RAPGEF4: variants seen among roughly 807,000 people sequenced by gnomAD.
RAPGEF4 encodes the protein RAP guanine-nucleotide-exchange factor (GEF) 4.
Under a neutral mutation model 147.9 loss-of-function variants are expected in RAPGEF4, and 66 were observed. The observed-to-expected ratio is 0.45, with a 90% CI of 0.37 to 0.55. The LOEUF is 0.55. Ranked by LOEUF, RAPGEF4 falls within the 20% of genes least tolerant of loss-of-function variation. The pLI is 0.00. For missense variants in RAPGEF4, 1,071 were observed against 1,257.3 expected, an observed-to-expected ratio of 0.85 and a Z score of 2.24; for synonymous variants, 419 against 442.7, an observed-to-expected ratio of 0.95 and a Z score of 0.67.
chr2:172,897,920 G>A (rs955478515), intron 4 of RAPGEF4, among the ~76,000 whole-genome samples: 1 of 151,916 alleles, frequency 6.6e-6, no homozygotes, highest in Non-Finnish European at 1.5e-5. Context: ...CAGATGAGAT[G>A]CCTGGCTGAC....
chr2:173,044,991 G>A (rs537441478), intron 29 of RAPGEF4, among the ~76,000 whole-genome samples: 1 of 152,316 alleles, frequency 6.6e-6, no homozygotes, highest in East Asian at 1.9e-4. Flanking sequence ...GGACCATGAA[G>A]CGTAGGGTGT....
intron 4 of RAPGEF4, among the ~76,000 whole-genome samples, chr2:172,815,328 G>A (rs1688395681): frequency 6.6e-6 from 1 of 152,232 alleles, no homozygotes; most frequent in South Asian, 2.1e-4. Flanking sequence ...CAACCTGCAG[G>A]TGAATGAGTG....
chr2:173,015,509 G>A (rs530406181), intron 18 of RAPGEF4, among the ~76,000 whole-genome samples: 119 of 152,336 alleles, frequency 7.8e-4, no homozygotes, highest in African/African-American at 2.8e-3. Flanking sequence ...GAGGTGCGAG[G>A]CAGTGAGGAA....
chr2:172,957,236 C>T (rs893827597), intron 6 of RAPGEF4, among the ~76,000 whole-genome samples: 4 of 152,228 alleles, frequency 2.6e-5, no homozygotes, highest in Non-Finnish European at 4.4e-5. Context: ...TTGTTTCTCA[C>T]AAATGTCACC....
intron 29 of RAPGEF4, among the ~76,000 whole-genome samples, chr2:173,044,917 C>G (rs199997091): frequency 5.3e-5 from 8 of 152,124 alleles, no homozygotes; most frequent in Admixed American, 4.6e-4. Flanking sequence ...GACACTCCCC[C>G]ACTCCGGCCT....
At chr2:172,931,658 CAGTG>C (rs948328533) in intron 6 of RAPGEF4, among the ~76,000 whole-genome samples, 16 of 152,134 alleles carry the variant, frequency 1.1e-4, no homozygotes, top group Non-Finnish European at 1.6e-4. Context: ...CCGGAATAGA[CAGTG>C]AGAGCAGGAA....
intron 1 of RAPGEF4, among the ~76,000 whole-genome samples, chr2:172,775,901 T>C (rs114895061): frequency 1.5e-3 from 224 of 152,314 alleles, no homozygotes; most frequent in African/African-American, 4.8e-3. Context: ...TAATACTCTT[T>C]AGCTATAGGA....
chr2:172,869,115 T>C (rs545936038), intron 4 of RAPGEF4, among the ~76,000 whole-genome samples: 29 of 152,314 alleles, frequency 1.9e-4, no homozygotes, highest in Non-Finnish European at 2.9e-4. Flanking sequence ...TTTCCCCCCA[T>C]TCTAAGTGAA....
chr2:173,051,859 G>A lies in RAPGEF4; in HGVS notation c.*92G>A. 6.8e-7 allele frequency: 1 copy of A among 1,471,564 alleles called. No homozygotes were observed. Among genetic ancestry groups the A allele is most frequent in the Non-Finnish European group, 9.3e-7 (1 of 1,073,562 alleles). 91.2% of individuals were successfully genotyped at this position (1,471,564 alleles called of 1,614,324 possible). On this transcript the variant is annotated 3_prime_UTR_variant, in exon 31 of 31. Coordinates refer to ENST00000397081, the MANE Select transcript of RAPGEF4 (RefSeq NM_007023.4). Reference sequence around the variant, plus strand: ...TACTACTGACTGTATTGCCACTAGAGAATTCTACAAAACAAGCAAAAACAC... The same window carrying A: ...TACTACTGACTGTATTGCCACTAGAAAATTCTACAAAACAAGCAAAAACAC...
chr2:172,824,107 A>G (rs1217065356), intron 4 of RAPGEF4, among the ~76,000 whole-genome samples: 1 of 152,254 alleles, frequency 6.6e-6, no homozygotes, highest in African/African-American at 2.4e-5. Flanking sequence ...AATATAGGGC[A>G]GTAGTTCATA....
At position 172,762,482 on chromosome 2, in the gene RAPGEF4, G is replaced by A. The variant is rs149605663; in HGVS notation, c.65+26434G>A. On this transcript the variant is annotated intron_variant, in intron 1 of 30. Transcript: ENST00000397081. The stretch of plus-strand genomic sequence containing the variant: ...TGATCAAGGGCATCACTTATACTCA[G>A]TCTTTATTCTCACTCTGCCTCTTCA... Among the ~76,000 whole-genome samples, 351 of 152,310 alleles carry A rather than the reference G, an allele frequency of 2.3e-3. 2 individuals carry two copies. Among genetic ancestry groups the A allele is most frequent in the African/African-American group, 8.1e-3 (338 of 41,564 alleles).
chr2:172,805,674 G>C (rs539602485), intron 3 of RAPGEF4, among the ~76,000 whole-genome samples: 49 of 152,244 alleles, frequency 3.2e-4, no homozygotes, highest in African/African-American at 1.2e-3. Context: ...CTCTATCAAG[G>C]ATTAATCCTT....
intron 1 of RAPGEF4, among the ~76,000 whole-genome samples, 179 bp from the exon 2 acceptor site, chr2:172,794,846 C>A (rs938756692): frequency 7.9e-5 from 12 of 152,178 alleles, no homozygotes; most frequent in African/African-American, 2.9e-4. Flanking sequence ...GTTGGTAAAG[C>A]TCCAGAAATG....
At chr2:173,019,988 T>A (rs1281518303) in intron 22 of RAPGEF4, among the ~76,000 whole-genome samples, 1 of 152,104 alleles carries the variant, frequency 6.6e-6, no homozygotes, top group Admixed American at 6.6e-5. Flanking sequence ...TGGAGTGGGA[T>A]TTTTTTTCTG....
In RAPGEF4 at chr2:173,014,489, A is replaced by G. The variant is rs374929947; in HGVS notation, c.1684A>G (p.Thr562Ala). Residue 562 changes from threonine to alanine, a missense_variant, in exon 18 of 31, where the codon ACA becomes GCA. Physicochemically the swap from Thr to Ala is moderately conservative, Grantham distance 58. Transcript: ENST00000397081. Reference protein sequence around the residue: ...AHYHAQPSQGTEQEKMDYALN... With the variant: ...AHYHAQPSQGAEQEKMDYALN... Reference sequence around the variant, plus strand: ...CTACCACGCACAGCCTTCACAAGGTACAGAACAGGAGAAAATGGATTATGC... The same window carrying G: ...CTACCACGCACAGCCTTCACAAGGTGCAGAACAGGAGAAAATGGATTATGC... 1.2e-6 allele frequency: 2 copies of G among 1,614,090 alleles called. No homozygotes were observed. The highest frequency in any genetic ancestry group is 3.3e-5 in the Admixed American group (2 of 60,008).
At chr2:172,805,138 G>A (rs1015833860) in intron 3 of RAPGEF4, among the ~76,000 whole-genome samples, 1 of 152,180 alleles carries the variant, frequency 6.6e-6, no homozygotes, top group African/African-American at 2.4e-5. Context: ...AGGACCACAT[G>A]TTGCTTCTTC....
At chr2:172,923,342 C>T (rs1340343654) in intron 6 of RAPGEF4, among the ~76,000 whole-genome samples, 2 of 152,156 alleles carry the variant, frequency 1.3e-5, no homozygotes, top group Non-Finnish European at 2.9e-5. Context: ...AATCTCAGCT[C>T]ACTGCAACCT....
intron 4 of RAPGEF4, among the ~76,000 whole-genome samples, chr2:172,902,364 A>G (rs916550209): frequency 1.1e-4 from 16 of 152,034 alleles, no homozygotes; most frequent in Non-Finnish European, 2.1e-4. Context: ...GTGCAACGGC[A>G]TGACCTCGGC....
chr2:173,046,171 G>T (rs1405406202), intron 29 of RAPGEF4, among the ~76,000 whole-genome samples: 1 of 152,080 alleles, frequency 6.6e-6, no homozygotes, highest in Non-Finnish European at 1.5e-5. Flanking sequence ...TTATCTTTGA[G>T]AACAATTAAA....
Sources: gnomAD v4.1 joint callset for allele counts (sites outside exome capture counted in the v4.1 genomes callset) on GRCh38, gnomAD v4.1.1 for gene constraint, MANE v1.5 for transcripts, NCBI Gene and HGNC (gene_info 2026-07-23, HGNC 2026-07-21) for gene names.